The following UST variants were observed in gnomAD, a reference collection of about 807,000 sequenced individuals.
UST encodes the protein uronyl 2-sulfotransferase.
In UST, 21 loss-of-function variants were observed where a neutral mutation model predicts 45.6. The ratio of observed to expected loss-of-function variants is 0.46; its 90% CI spans 0.33 to 0.66. The LOEUF (loss-of-function observed/expected upper bound fraction) is 0.66. Among genes scored for constraint, UST ranks in the 30% least tolerant of loss-of-function variants. The pLI is 0.02. For missense variants in UST, 463 were observed against 512.4 expected, an observed-to-expected ratio of 0.90 and a Z score of 0.93; for synonymous variants, 215 against 200.6, an observed-to-expected ratio of 1.07 and a Z score of -0.61.
At chr6:148,802,588 G>A (rs1441403187) in intron 1 of UST, among the ~76,000 whole-genome samples, 1 of 152,094 alleles carries the variant, frequency 6.6e-6, no homozygotes, top group African/African-American at 2.4e-5. Context: ...CTCTCATGCT[G>A]TTTCCCTCTA....
At chr6:148,876,262 C>T (rs1778649587) in intron 1 of UST, among the ~76,000 whole-genome samples, 1 of 152,134 alleles carries the variant, frequency 6.6e-6, no homozygotes, top group Non-Finnish European at 1.5e-5. Context: ...CTCACTACCA[C>T]AAGGACAGCA....
chr6:149,035,649 T>A (rs1037163652), intron 7 of UST, among the ~76,000 whole-genome samples: 15 of 151,892 alleles, frequency 9.9e-5, no homozygotes, highest in African/African-American at 3.6e-4. Flanking sequence ...TCCCAGCTAT[T>A]TGAGAGGCTG....
chr6:149,068,497 AAAGC>A (rs1206800472), intron 7 of UST, among the ~76,000 whole-genome samples: 2 of 152,330 alleles, frequency 1.3e-5, no homozygotes, highest in Admixed American at 1.3e-4. Flanking sequence ...AATATACCAC[AAAGC>A]ATTAGGCTCA....
At chr6:149,004,121 T>A (rs1199523386) in intron 5 of UST, among the ~76,000 whole-genome samples, 1 of 152,160 alleles carries the variant, frequency 6.6e-6, no homozygotes, top group Non-Finnish European at 1.5e-5. Flanking sequence ...AATATAATAT[T>A]GAATATAGTA....
chr6:148,922,848 A>G (rs565841285), intron 2 of UST, among the ~76,000 whole-genome samples: 1 of 152,218 alleles, frequency 6.6e-6, no homozygotes, highest in African/African-American at 2.4e-5. Context: ...GCTGGAGTGC[A>G]GTGGCACGAT....
At chr6:148,859,459 T>G (rs1437795136) in intron 1 of UST, among the ~76,000 whole-genome samples, 1 of 152,214 alleles carries the variant, frequency 6.6e-6, no homozygotes, top group Non-Finnish European at 1.5e-5. Context: ...TTCACTCTGA[T>G]GGTAGTTTCT....
chr6:148,925,552 G>C (rs1426740465), intron 2 of UST, among the ~76,000 whole-genome samples: 1 of 152,176 alleles, frequency 6.6e-6, no homozygotes, highest in Non-Finnish European at 1.5e-5. Context: ...TGGAAGAAAG[G>C]GGGGAATATT....
rs533323102 is a variant in UST, at chr6:148,993,041, A to G, written c.682-26098A>G. 3.9e-5 allele frequency: 38 copies of G among 985,426 alleles called. No individual in the cohort carries two copies. In the African/African-American group the frequency reaches 4.0e-4, roughly 10 times the overall value. 61.0% of individuals were successfully genotyped at this position (985,426 alleles called of 1,614,324 possible). ...TAACCACTTGCTTCCTTCAATCCCA[A>G]CTGGCAAGGAGGAGCACCAAAGGAG... On this transcript the variant is annotated intron_variant, in intron 5 of 7. Transcript: ENST00000367463.
chr6:148,947,488 C>T (rs1780269726), intron 3 of UST, among the ~76,000 whole-genome samples: 1 of 152,174 alleles, frequency 6.6e-6, no homozygotes, highest in African/African-American at 2.4e-5. Context: ...CACGCACAGC[C>T]CTAGCAAGGA....
chr6:148,992,175 A>T (rs570173521), intron 5 of UST, among the ~76,000 whole-genome samples: 1 of 152,308 alleles, frequency 6.6e-6, no homozygotes, highest in Admixed American at 6.5e-5. Flanking sequence ...GATTCTTATG[A>T]AAACCAGTTG....
At chr6:148,985,675 T>A (rs1582943911) in intron 5 of UST, among the ~76,000 whole-genome samples, 1 of 152,126 alleles carries the variant, frequency 6.6e-6, no homozygotes, top group Non-Finnish European at 1.5e-5. Context: ...GGAAGTCTGG[T>A]CTGCATTGGC....
intron 1 of UST, among the ~76,000 whole-genome samples, chr6:148,836,509 C>A (rs1242796785): frequency 2.0e-5 from 3 of 152,312 alleles, no homozygotes; most frequent in South Asian, 4.1e-4. Flanking sequence ...CAGGCACGAA[C>A]CTTTTCGCTG....
chr6:148,849,254 A>G (rs1471712299), intron 1 of UST, among the ~76,000 whole-genome samples: 1 of 152,178 alleles, frequency 6.6e-6, no homozygotes, highest in African/African-American at 2.4e-5. Context: ...TGACGCCTAA[A>G]ATTAACCATT....
chr6:148,816,568 GAA>G, intron 1 of UST, among the ~76,000 whole-genome samples: 1 of 152,266 alleles, frequency 6.6e-6, no homozygotes, highest in Middle Eastern at 3.4e-3. Context: ...CCTATTAAAA[GAA>G]AAGTTTTCTG....
intron 1 of UST, among the ~76,000 whole-genome samples, chr6:148,789,449 TCTCTCACACACA>T (rs1001906957): frequency 4.6e-5 from 6 of 129,102 alleles, no homozygotes; most frequent in South Asian, 4.9e-4. Context: ...TCTCTCTCTC[TCTCTCACACACA>T]CACACACACA....
chr6:149,006,602 G>GT (rs375195163), intron 5 of UST, among the ~76,000 whole-genome samples: 32 of 152,280 alleles, frequency 2.1e-4, no homozygotes, highest in African/African-American at 7.5e-4. Context: ...CTTCCTTTGA[G>GT]TATATACCCA....
In UST at chr6:148,909,761, A is replaced by G. The variant is rs1270602404; in HGVS notation, c.291+22732A>G. 3.3e-5 allele frequency among the ~76,000 whole-genome samples: 5 copies of G among 152,280 alleles called. No individual in the cohort carries two copies. The East Asian group carries it at 5.8e-4, about 18-fold the overall frequency. ...TTACTTTGCTTTGCTCGAAGTATCT[A>G]TATGAAGATAAATCTTTTGCTAGGT... On this transcript the variant is annotated intron_variant, in intron 2 of 7. Transcript: ENST00000367463.
chr6:148,837,777 C>T (rs1238054654), intron 1 of UST, among the ~76,000 whole-genome samples: 1 of 151,874 alleles, frequency 6.6e-6, no homozygotes, highest in Non-Finnish European at 1.5e-5. Context: ...CTTGCTGCAG[C>T]CTCAACCTCC....
chr6:148,922,144 G>GT (rs2114897174), intron 2 of UST, among the ~76,000 whole-genome samples: 1 of 152,264 alleles, frequency 6.6e-6, no homozygotes, highest in East Asian at 1.9e-4. Context: ...CAATTCAGTG[G>GT]TTTTTAGTAT....
Sources: gnomAD v4.1 joint callset for allele counts (sites outside exome capture counted in the v4.1 genomes callset) on GRCh38, gnomAD v4.1.1 for gene constraint, MANE v1.5 for transcripts, NCBI Gene and HGNC (gene_info 2026-07-23, HGNC 2026-07-21) for gene names.